RP1: variants seen among roughly 807,000 people sequenced by gnomAD.
RP1 encodes RP1 axonemal microtubule associated, also known as oxygen-regulated protein 1.
A neutral mutation model predicts 14.8 loss-of-function variants in RP1; 16 were observed. The observed-to-expected ratio is 1.08, with a 90% confidence interval of 0.73 to 1.65. The LOEUF is 1.65. RP1 is among the 40% of genes most tolerant of loss of function. The probability of loss-of-function intolerance (pLI) is 0.00; values close to 1 mark genes in which losing one functional copy is unlikely to be tolerated. For synonymous variants in RP1, 876 were observed against 883.6 expected, an observed-to-expected ratio of 0.99 and a Z score of 0.15; for missense variants, 2,631 against 2,535.0, an observed-to-expected ratio of 1.04 and a Z score of -0.81.
At chr8:54,740,403 T>TAAAAAAAAAAAAAAAAA (rs34753388) in intron 19 of RP1, among the ~76,000 whole-genome samples, 3 of 80,242 alleles carry the variant, frequency 3.7e-5, no homozygotes, top group African/African-American at 1.4e-4. Context: ...GCTTAAAAAG[T>TAAAAAAAAAAAAAAAAA]AAAAAAAAAA....
rs143088423 is a variant in RP1, at chr8:54,629,259, C to T, written c.5377C>T (p.Pro1793Ser). ...ATATTCACATTTTGGTAATTTGGCCCCAGGCCCAACGATGGATGAACTCTC... is the reference window on the plus strand; with the variant it reads ...ATATTCACATTTTGGTAATTTGGCCTCAGGCCCAACGATGGATGAACTCTC... ...VPYSHFGNLA[P>S]GPTMDELSSS... The change falls in exon 4 of 4, where the codon CCA (proline) becomes TCA (serine). Residue 1793 changes from proline (P) to serine (S), a missense_variant. Coordinates refer to ENST00000220676, the MANE Select transcript of RP1 (RefSeq NM_006269.2). 1,906 of 1,613,764 alleles carry T rather than the reference C, an allele frequency of 1.2e-3. 16 individuals are homozygous for T. The highest frequency in any genetic ancestry group is 6.0e-3 in the South Asian group (550 of 91,032).
intron 22 of RP1, among the ~76,000 whole-genome samples, chr8:54,760,764 C>G (rs1302025201): frequency 6.6e-6 from 1 of 152,200 alleles, no homozygotes; most frequent in Admixed American, 6.5e-5. Flanking sequence ...CTAGTCTTCA[C>G]TCAAGAGGAC....
intron 1 of RP1, among the ~76,000 whole-genome samples, chr8:54,608,469 T>C (rs1368794619): frequency 6.6e-6 from 1 of 152,182 alleles, no homozygotes; most frequent in African/African-American, 2.4e-5. Context: ...CCAAATGACT[T>C]GGCCGAAAGA....
chr8:54,827,939 T>G (rs1192274844), intron 24 of RP1, among the ~76,000 whole-genome samples: 2 of 152,104 alleles, frequency 1.3e-5, no homozygotes, highest in Admixed American at 6.5e-5. Context: ...CTTTTTAAGC[T>G]TTTTTGTTAA....
intron 23 of RP1, among the ~76,000 whole-genome samples, chr8:54,781,968 C>T (rs929630383): frequency 2.0e-5 from 3 of 152,042 alleles, no homozygotes; most frequent in Admixed American, 6.5e-5. Context: ...AACTTATTCC[C>T]GTCCCTCCCC....
At chr8:54,776,003 G>T (rs1272883337) in intron 23 of RP1, among the ~76,000 whole-genome samples, 1 of 152,016 alleles carries the variant, frequency 6.6e-6, no homozygotes, top group Non-Finnish European at 1.5e-5. Flanking sequence ...AACAACCACA[G>T]ATTGAAAAGT....
intron 15 of RP1, among the ~76,000 whole-genome samples, chr8:54,709,333 C>T (rs1033734475): frequency 6.6e-6 from 1 of 152,174 alleles, no homozygotes; most frequent in Non-Finnish European, 1.5e-5. Context: ...TGCTGCTTTG[C>T]ATCAATGTTG....
In RP1 at chr8:54,779,085, C is replaced by G. The variant is rs186924705; in HGVS notation, c.3452-4462C>G. ...TCTCCTCCATCTTTCCCTGTCACAACCCTCGACTTCTCCGCCAAGTAAGAA... is the reference window on the plus strand; with the variant it reads ...TCTCCTCCATCTTTCCCTGTCACAAGCCTCGACTTCTCCGCCAAGTAAGAA... On this transcript the variant is annotated intron_variant, in intron 23 of 28. Coordinates refer to the RP1 transcript ENST00000637698. Among the ~76,000 whole-genome samples the G allele has an allele frequency of 1.1e-4, 17 of 152,274 alleles. No homozygotes were observed. The East Asian group carries it at 3.3e-3, about 29-fold the overall frequency.
In RP1 at chr8:54,865,598, T is replaced by A. The variant is rs912168145; in HGVS notation, c.4070-237T>A. ...CATGTGTTTTTAAATAATTTTTTTT[T>A]AATTTTATAGAGAGTTTGGGTCCCT... On this transcript the variant is annotated intron_variant, in intron 27 of 28. Transcript: ENST00000637698. 2.1e-4 allele frequency among the ~76,000 whole-genome samples: 32 copies of A among 152,274 alleles called. No homozygotes were observed. The East Asian group carries it at 2.3e-3, about 11-fold the overall frequency.
intron 22 of RP1, among the ~76,000 whole-genome samples, chr8:54,759,231 C>A (rs1281407621): frequency 6.6e-6 from 1 of 151,284 alleles, no homozygotes. Context: ...ATGAATAACT[C>A]TTTGATTGCT....
intron 4 of RP1, among the ~76,000 whole-genome samples, chr8:54,651,475 C>T (rs1416373148): frequency 6.6e-6 from 1 of 151,232 alleles, no homozygotes; most frequent in African/African-American, 2.4e-5. Context: ...TTTTTTATTT[C>T]TTCGAGTCAC....
At chr8:54,784,857 G>A (rs1048493161) in intron 24 of RP1, among the ~76,000 whole-genome samples, 4 of 151,830 alleles carry the variant, frequency 2.6e-5, no homozygotes, top group African/African-American at 7.3e-5. Flanking sequence ...GTTAAAAGTG[G>A]TTTTCTGCAA....
downstream of RP1, among the ~76,000 whole-genome samples, chr8:54,773,482 C>T (rs575807006): frequency 6.6e-6 from 1 of 152,070 alleles, no homozygotes; most frequent in African/African-American, 2.4e-5. Context: ...ACTAAAAATG[C>T]AATAATTAGC....
At chr8:54,688,404 T>A (rs1487041388) in intron 12 of RP1, among the ~76,000 whole-genome samples, 1 of 152,210 alleles carries the variant, frequency 6.6e-6, no homozygotes, top group Non-Finnish European at 1.5e-5. Context: ...ATGTCCTGAA[T>A]AGTATTGCCT....
chr8:54,598,461 A>G (rs1278301822), intron 1 of RP1, among the ~76,000 whole-genome samples: 1 of 152,212 alleles, frequency 6.6e-6, no homozygotes, highest in African/African-American at 2.4e-5. Flanking sequence ...TGAGAGCCAC[A>G]TAAGAAAATA....
At chr8:54,566,946 A>T (rs4738990) in intron 1 of RP1, among the ~76,000 whole-genome samples, 3 of 151,950 alleles carry the variant, frequency 2.0e-5, no homozygotes, top group Non-Finnish European at 2.9e-5. Flanking sequence ...TGAGGCAGGC[A>T]GTGAGGTGAG....
chr8:54,859,118 T>C (rs1377455648), intron 27 of RP1, among the ~76,000 whole-genome samples: 1 of 151,854 alleles, frequency 6.6e-6, no homozygotes, highest in Non-Finnish European at 1.5e-5. Flanking sequence ...CACTGTAGGG[T>C]AGTGTCACTG....
intron 3 of RP1, among the ~76,000 whole-genome samples, chr8:54,638,880 T>TTCTCTC (rs56712955): frequency 2.2e-3 from 266 of 120,288 alleles, no homozygotes; most frequent in African/African-American, 7.5e-3. Flanking sequence ...TTTAATTTTC[T>TTCTCTC]TCTCTCTCTC....
At chr8:54,825,912 A>C (rs1167182704) in intron 24 of RP1, among the ~76,000 whole-genome samples, 1 of 151,966 alleles carries the variant, frequency 6.6e-6, no homozygotes, top group Non-Finnish European at 1.5e-5. Flanking sequence ...TCCACAAAAA[A>C]AAAAAATCAG....
Sources: gnomAD v4.1 joint callset for allele counts (sites outside exome capture counted in the v4.1 genomes callset) on GRCh38, gnomAD v4.1.1 for gene constraint, MANE v1.5 for transcripts, NCBI Gene and HGNC (gene_info 2026-07-23, HGNC 2026-07-21) for gene names.